Variants in PHIP observed in about 807,000 individuals in gnomAD.
PHIP encodes PHIP subunit of CUL4-Ring ligase complex.
Under a neutral mutation model 236.8 loss-of-function variants are expected in PHIP, and 54 were observed. The ratio of observed to expected loss-of-function variants is 0.23; its 90% CI spans 0.18 to 0.29. The LOEUF is 0.29. PHIP is among the 10% of genes least tolerant of loss of function. PHIP has a pLI of 1.00. For synonymous variants in PHIP, 756 were observed against 718.9 expected (o/e 1.05, Z -0.83); for missense variants, 1,370 against 2,190.8 (o/e 0.63, Z 7.48).
chr6:79,031,856 GT>G (rs1394422721), intron 7 of PHIP, among the ~76,000 whole-genome samples: 1 of 152,092 alleles, frequency 6.6e-6, no homozygotes, highest in Non-Finnish European at 1.5e-5. Context: ...TCCAAAAAAA[GT>G]TCTGATTTTG....
intron 9 of PHIP, among the ~76,000 whole-genome samples, chr6:79,021,439 C>T (rs984650324): frequency 2.3e-4 from 35 of 152,104 alleles, no homozygotes; most frequent in Admixed American, 3.3e-4. Flanking sequence ...TGAGCCAACA[C>T]GCCCCGCCAC....
chr6:79,031,004 T>A (rs117319782), intron 7 of PHIP, among the ~76,000 whole-genome samples: 1 of 152,100 alleles, frequency 6.6e-6, no homozygotes, highest in Admixed American at 6.6e-5. Context: ...AGTATTGTAG[T>A]GCGATCTCGG....
intron 24 of PHIP, among the ~76,000 whole-genome samples, chr6:78,974,533 G>C (rs1767895127): frequency 6.6e-6 from 1 of 151,780 alleles, no homozygotes; most frequent in African/African-American, 2.4e-5. Context: ...GATCAGAGCA[G>C]AACTGAAGGA....
intron 35 of PHIP, among the ~76,000 whole-genome samples, chr6:78,950,881 C>G (rs970281507): frequency 6.6e-6 from 1 of 151,666 alleles, no homozygotes; most frequent in African/African-American, 2.4e-5. Flanking sequence ...GTTGGCTTAC[C>G]TTTGGGTGAT....
chr6:79,072,740 G>C (rs140094972), intron 4 of PHIP, among the ~76,000 whole-genome samples: 3,654 of 152,144 alleles, frequency 0.024, 48 homozygotes, highest in Non-Finnish European at 0.037. Flanking sequence ...TGGGATTACA[G>C]GCATGAGCCA....
intron 7 of PHIP, 45 bp from the exon 8 acceptor site, chr6:79,026,209 T>A: frequency 3.7e-6 from 5 of 1,360,118 alleles, no homozygotes; most frequent in Non-Finnish European, 5.2e-6. Context: ...CCATAAATTT[T>A]AATTCAAAAT....
Position 79,003,852 on chromosome 6 carries a change from C to A in PHIP, c.1531G>T (p.Gly511Cys). ...TCAAATACTGCGCCATGTCCTTGGC[C>A]TTCAATCTGAAATATATTTAACCAA... is the stretch of plus-strand genomic sequence containing the variant. ...KIRSYFNMIE[G>C]QGHGAVFDCK... Residue 511 changes from glycine to cysteine, a missense_variant, in exon 16 of 40, where the codon GGC becomes TGC. Around this residue, in one of 14 missense-constraint regions of PHIP, gnomAD observed 188 missense variants for 354.3 expected, o/e 0.53. Coordinates refer to ENST00000275034, the MANE Select transcript of PHIP (RefSeq NM_017934.7). 1 of 1,593,166 alleles carries A rather than the reference C, an allele frequency of 6.3e-7. No homozygotes were observed. Among genetic ancestry groups the A allele is most frequent in the Non-Finnish European group, 8.5e-7 (1 of 1,170,530 alleles).
At chr6:79,056,610 A>G (rs1481208811) in intron 6 of PHIP, among the ~76,000 whole-genome samples, 1 of 152,258 alleles carries the variant, frequency 6.6e-6, no homozygotes, top group Non-Finnish European at 1.5e-5. Context: ...TGCTACTGGC[A>G]ATTAGCAAGC....
intron 19 of PHIP, among the ~76,000 whole-genome samples, chr6:78,991,264 G>A (rs746220502): frequency 1.3e-5 from 2 of 151,622 alleles, no homozygotes; most frequent in Non-Finnish European, 2.9e-5. Context: ...TTCTGGGAAT[G>A]TGGTGATTCC....
Position 78,940,759 on chromosome 6 carries a change from T to C in PHIP, c.5400A>G (p.Gly1800=), listed in dbSNP as rs765534918. ...TTCGGACTCGTCCTCTACTAGAAGTTCCAAAAGTTAAAGAGGTGTCTTCGA... is the reference window on the plus strand; with the variant it reads ...TTCGGACTCGTCCTCTACTAGAAGTCCCAAAAGTTAAAGAGGTGTCTTCGA... The part of the protein sequence containing the change: ...LLFEDTSLTF[G]TSSRGRVRKL... Residue 1800 remains glycine (G), a synonymous_variant, in exon 40 of 40, where the codon GGA becomes GGG. Coordinates refer to ENST00000275034, the MANE Select transcript of PHIP (RefSeq NM_017934.7). 4 of 1,613,676 alleles carry C rather than the reference T, an allele frequency of 2.5e-6. No individual in the cohort carries two copies. The highest frequency in any genetic ancestry group is 3.4e-6 in the Non-Finnish European group (4 of 1,179,816).
chr6:79,058,929 G>A (rs1240860112), intron 6 of PHIP, among the ~76,000 whole-genome samples: 1 of 151,940 alleles, frequency 6.6e-6, no homozygotes, highest in Non-Finnish European at 1.5e-5. Context: ...CCTTCTTGCA[G>A]GAATCCTATT....
chr6:79,066,647 T>C (rs1218241721), intron 4 of PHIP, among the ~76,000 whole-genome samples: 1 of 152,160 alleles, frequency 6.6e-6, no homozygotes, highest in Non-Finnish European at 1.5e-5. Flanking sequence ...CTAAGGAAAC[T>C]AGCATAAAAG....
chr6:78,965,447 T>C (rs1451972331), intron 29 of PHIP, among the ~76,000 whole-genome samples: 2 of 152,228 alleles, frequency 1.3e-5, no homozygotes, highest in Non-Finnish European at 2.9e-5. Flanking sequence ...CTTGGGTGAA[T>C]AGTAATTAAT....
At chr6:79,025,653 A>G (rs756970814) in intron 8 of PHIP, 34 bp from the exon 9 acceptor site, 2 of 1,307,116 alleles carry the variant, frequency 1.5e-6, no homozygotes, top group Non-Finnish European at 2.2e-6. Flanking sequence ...AAATCTTTAC[A>G]AGAGTGACAC....
At chr6:79,034,011 G>A (rs1347495701) in intron 7 of PHIP, among the ~76,000 whole-genome samples, 1 of 152,006 alleles carries the variant, frequency 6.6e-6, no homozygotes, top group Admixed American at 6.6e-5. Flanking sequence ...TCGCCATAAG[G>A]GTGCAGGTCA....
intron 15 of PHIP, among the ~76,000 whole-genome samples, chr6:79,011,691 C>T (rs1318771221): frequency 6.6e-6 from 1 of 151,638 alleles, no homozygotes; most frequent in South Asian, 2.1e-4. Context: ...AAAAATAAAC[C>T]CCTCAGTTTC....
chr6:79,000,729 G>A (rs1335667742), intron 17 of PHIP, among the ~76,000 whole-genome samples: 1 of 151,932 alleles, frequency 6.6e-6, no homozygotes, highest in Non-Finnish European at 1.5e-5. Flanking sequence ...TCTAATCTGA[G>A]TCTGAGTATC....
At chr6:78,944,383 A>G (rs1773688252) in intron 39 of PHIP, among the ~76,000 whole-genome samples, 1 of 152,210 alleles carries the variant, frequency 6.6e-6, no homozygotes, top group South Asian at 2.1e-4. Context: ...TGGCTGCAAT[A>G]TGAGAGAGGG....
intron 7 of PHIP, among the ~76,000 whole-genome samples, chr6:79,027,605 C>T (rs974264148): frequency 1.3e-5 from 2 of 152,062 alleles, no homozygotes; most frequent in African/African-American, 4.8e-5. Flanking sequence ...CCTTGTGAAG[C>T]AAGACAGAAG....
Sources: gnomAD v4.1 joint callset for allele counts (sites outside exome capture counted in the v4.1 genomes callset) on GRCh38, gnomAD v4.1.1 for gene constraint, gnomAD v4.1.1 regional missense constraint, MANE v1.5 for transcripts, NCBI Gene and HGNC (gene_info 2026-07-23, HGNC 2026-07-21) for gene names.